ROBO2: variants seen among roughly 807,000 people sequenced by gnomAD.
ROBO2 encodes the protein roundabout guidance receptor 2.
A neutral mutation model predicts 160.8 loss-of-function variants in ROBO2; 53 were observed. The ratio of observed to expected loss-of-function variants is 0.33; its 90% confidence interval spans 0.26 to 0.41. ROBO2 has a LOEUF of 0.41. Ranked by LOEUF, ROBO2 falls within the 10% of genes least tolerant of loss-of-function variation. ROBO2 has a pLI of 1.00. For missense variants in ROBO2, 1,577 were observed against 1,722.4 expected, an observed-to-expected ratio of 0.92 and a Z score of 1.49; for synonymous variants, 664 against 611.7, an observed-to-expected ratio of 1.09 and a Z score of -1.26.
At chr3:76,375,718 G>A (rs928167531) in intron 2 of ROBO2, among the ~76,000 whole-genome samples, 1 of 151,998 alleles carries the variant, frequency 6.6e-6, no homozygotes, top group African/African-American at 2.4e-5. Context: ...AATTCAAGCA[G>A]TGTGAATGGC....
intron 2 of ROBO2, among the ~76,000 whole-genome samples, chr3:76,762,518 A>G (rs1467290985): frequency 1.3e-5 from 2 of 150,182 alleles, no homozygotes; most frequent in Admixed American, 1.3e-4. Context: ...CTCAGTATTT[A>G]CATGGACAAT....
intron 5 of ROBO2, among the ~76,000 whole-genome samples, chr3:77,507,122 A>G (rs1053044709): frequency 3.3e-5 from 5 of 152,324 alleles, no homozygotes; most frequent in Non-Finnish European, 7.4e-5. Context: ...TCATTTTCAA[A>G]TAGACCTACA....
intron 2 of ROBO2, among the ~76,000 whole-genome samples, chr3:76,059,464 A>G (rs201138350): frequency 0.021 from 3,121 of 152,110 alleles, 42 homozygotes; most frequent in East Asian, 0.081. Context: ...AGAAGTGTCT[A>G]TTCATATACT....
rs555209639 is a variant in ROBO2, at chr3:77,459,975, G to T, written c.389-17439G>T. Among the ~76,000 whole-genome samples the T allele has an allele frequency of 5.3e-4, 81 of 151,992 alleles. No homozygotes were observed. The Middle Eastern group carries it at 0.02, about 38-fold the overall frequency. On this transcript the variant is annotated intron_variant, in intron 2 of 25. Transcript: ENST00000461745. The stretch of plus-strand genomic sequence containing the variant: ...GGGGGGGTCCTTCGGAGAATTTTAT[G>T]TAAAAAGATGTTAACATTTATTTTT...
intron 2 of ROBO2, among the ~76,000 whole-genome samples, chr3:76,324,011 G>A (rs1348445635): frequency 6.6e-6 from 1 of 152,140 alleles, no homozygotes; most frequent in Admixed American, 6.5e-5. Context: ...AATGGTAGAA[G>A]TTCTACTGAG....
intron 2 of ROBO2, among the ~76,000 whole-genome samples, chr3:77,010,680 C>T (rs192068631): frequency 2.0e-5 from 3 of 152,268 alleles, no homozygotes; most frequent in Admixed American, 6.5e-5. Flanking sequence ...CTCCTCTCAG[C>T]GCTTGTTTTT....
intron 6 of ROBO2, among the ~76,000 whole-genome samples, chr3:77,536,982 T>C (rs2092148792): frequency 6.6e-6 from 1 of 152,036 alleles, no homozygotes; most frequent in Non-Finnish European, 1.5e-5. Context: ...TAGATTATTG[T>C]AGAATTATTT....
At position 77,555,480 on chromosome 3, in the gene ROBO2, T is replaced by C. The variant is rs563469386; in HGVS notation, c.1232-2464T>C. On this transcript the variant is annotated intron_variant, in intron 8 of 25. Coordinates refer to ENST00000461745, the Ensembl canonical transcript of ROBO2. ...TGTTGAGCAACAATTTTACTGATCA[T>C]AGATTAAGCTAATATGTTTCAATAT... Among the ~76,000 whole-genome samples, 7 of 152,140 alleles carry C rather than the reference T, an allele frequency of 4.6e-5. No homozygotes were observed. In the South Asian group the frequency reaches 1.4e-3, roughly 32 times the overall value.
intron 6 of ROBO2, among the ~76,000 whole-genome samples, chr3:77,538,170 C>CCTT (rs2092262784): frequency 9.8e-6 from 1 of 102,518 alleles, no homozygotes; most frequent in African/African-American, 3.9e-5. Context: ...TGATCATTTA[C>CCTT]TTTTTTTTTT....
At chr3:76,903,419 A>G (rs1176507392) in intron 2 of ROBO2, among the ~76,000 whole-genome samples, 5 of 151,956 alleles carry the variant, frequency 3.3e-5, no homozygotes, top group Non-Finnish European at 7.4e-5. Context: ...AGTCAATTGG[A>G]CTTGACCATT....
intron 2 of ROBO2, among the ~76,000 whole-genome samples, chr3:77,234,394 G>A (rs1376355357): frequency 5.9e-5 from 9 of 152,136 alleles, no homozygotes; most frequent in Admixed American, 5.9e-4. Context: ...ATGCCTGGAT[G>A]TCTTTTACTA....
chr3:76,707,488 T>G (rs1313377717), intron 2 of ROBO2, among the ~76,000 whole-genome samples: 1 of 152,008 alleles, frequency 6.6e-6, no homozygotes. Flanking sequence ...AAATTCAAAG[T>G]GCTAAACAGC....
At chr3:77,092,013 A>C (rs1268935517) in intron 1 of ROBO2, 1 of 150,684 alleles carries the variant, frequency 6.6e-6, no homozygotes, top group Admixed American at 6.6e-5. Context: ...ATAAATAAAT[A>C]AATAAATAAA....
intron 2 of ROBO2, among the ~76,000 whole-genome samples, chr3:76,982,310 G>A (rs2149332329): frequency 6.6e-6 from 1 of 152,218 alleles, no homozygotes; most frequent in African/African-American, 2.4e-5. Context: ...AGTTGTCTCA[G>A]AATGATTTTT....
chr3:76,524,319 T>G (rs2081810037), intron 2 of ROBO2, among the ~76,000 whole-genome samples: 1 of 151,978 alleles, frequency 6.6e-6, no homozygotes, highest in African/African-American at 2.4e-5. Flanking sequence ...GAGCACAGAT[T>G]AAATGTCATT....
intron 2 of ROBO2, among the ~76,000 whole-genome samples, chr3:76,489,263 T>C (rs1381075494): frequency 1.3e-5 from 2 of 151,874 alleles, no homozygotes; most frequent in Non-Finnish European, 2.9e-5. Flanking sequence ...TGAGAACTTA[T>C]ACTCTGTTCA....
chr3:77,599,656 A>G (rs933196721), intron 19 of ROBO2, among the ~76,000 whole-genome samples: 4 of 152,078 alleles, frequency 2.6e-5, no homozygotes, highest in African/African-American at 9.7e-5. Flanking sequence ...ATAAAAAAAT[A>G]AATAAAAAAT....
At position 75,977,305 on chromosome 3, in the gene ROBO2, G is replaced by A. The variant is rs529754292; in HGVS notation, c.109+39703G>A. 2.6e-5 allele frequency among the ~76,000 whole-genome samples: 4 copies of A among 151,468 alleles called. No homozygotes were observed. The South Asian group carries it at 6.2e-4, about 24-fold the overall frequency. ...CATACACCAAACACATAGCTAAAAAGTAAAGTTGAAAAAAATATTCATGGT... is the reference window on the plus strand; with the variant it reads ...CATACACCAAACACATAGCTAAAAAATAAAGTTGAAAAAAATATTCATGGT... On this transcript the variant is annotated intron_variant, in intron 2 of 26. Transcript: ENST00000487694.
intron 2 of ROBO2, among the ~76,000 whole-genome samples, chr3:76,505,445 TGC>T (rs2080745412): frequency 6.6e-6 from 1 of 152,156 alleles, no homozygotes; most frequent in Non-Finnish European, 1.5e-5. Flanking sequence ...AAGTGCCAAC[TGC>T]TGGCACCTGT....
Sources: gnomAD v4.1 joint callset for allele counts (sites outside exome capture counted in the v4.1 genomes callset) on GRCh38, gnomAD v4.1.1 for gene constraint, MANE v1.5 for transcripts, NCBI Gene and HGNC (gene_info 2026-07-23, HGNC 2026-07-21) for gene names.